The following CSMD1 variants were observed in gnomAD, a reference collection of about 807,000 sequenced individuals.
The protein encoded by CSMD1 is CUB and Sushi multiple domains 1, also known as CUB and sushi domain-containing protein 1.
Under a neutral mutation model 417.5 loss-of-function variants are expected in CSMD1, and 213 were observed. The ratio of observed to expected loss-of-function variants is 0.51; its 90% CI spans 0.46 to 0.57. The LOEUF is 0.57. Ranked by LOEUF, CSMD1 falls within the 20% of genes least tolerant of loss-of-function variation. The probability of loss-of-function intolerance (pLI) is 0.00; values close to 1 mark genes in which losing one functional copy is unlikely to be tolerated. For missense variants in CSMD1, 6,923 were observed against 4,529.7 expected, an observed-to-expected ratio of 1.53 and a Z score of -15.17; for synonymous variants, 2,862 against 1,736.8, an observed-to-expected ratio of 1.65 and a Z score of -16.11.
intron 7 of CSMD1, among the ~76,000 whole-genome samples, chr8:3,694,014 G>A (rs907638144): frequency 7.9e-6 from 1 of 125,934 alleles, no homozygotes; most frequent in Non-Finnish European, 1.6e-5. Flanking sequence ...GTGTGTTGGG[G>A]TATTATGTGT....
At chr8:4,759,872 T>C (rs1340037586) in intron 1 of CSMD1, among the ~76,000 whole-genome samples, 3 of 152,246 alleles carry the variant, frequency 2.0e-5, no homozygotes, top group African/African-American at 4.8e-5. Context: ...GCAATGAATA[T>C]AGGCATGCAT....
At chr8:3,844,396 A>C (rs1803349550) in intron 5 of CSMD1, among the ~76,000 whole-genome samples, 1 of 152,202 alleles carries the variant, frequency 6.6e-6, no homozygotes, top group Non-Finnish European at 1.5e-5. Context: ...ACTCACCAAC[A>C]AATTATTGAC....
At chr8:4,108,573 C>T (rs769998047) in intron 3 of CSMD1, among the ~76,000 whole-genome samples, 2 of 152,094 alleles carry the variant, frequency 1.3e-5, no homozygotes, top group Non-Finnish European at 2.9e-5. Context: ...ACTGATATGC[C>T]ATCCCTTTAG....
chr8:3,060,675 C>G (rs1264166076), intron 49 of CSMD1, among the ~76,000 whole-genome samples: 3 of 152,164 alleles, frequency 2.0e-5, no homozygotes, highest in African/African-American at 7.2e-5. Flanking sequence ...TATTTCAAAT[C>G]TGATACAGGT....
chr8:3,407,074 G>T (rs1464360454), intron 14 of CSMD1, among the ~76,000 whole-genome samples: 1 of 152,106 alleles, frequency 6.6e-6, no homozygotes, highest in Non-Finnish European at 1.5e-5. Context: ...TGAATGGAGG[G>T]ATGGAAAGAA....
intron 3 of CSMD1, among the ~76,000 whole-genome samples, chr8:4,281,538 TC>T (rs1796785315): frequency 1.3e-5 from 2 of 152,224 alleles, no homozygotes; most frequent in African/African-American, 4.8e-5. Flanking sequence ...ACATTAAAGG[TC>T]CTTTAAAATG....
rs1554472484 is a variant in CSMD1 at position 2,960,961 on chromosome 8, T to TATAC, written c.9702+179_9702+180insGTAT. Among the ~76,000 whole-genome samples the TATAC allele has an allele frequency of 4.6e-5, 6 of 130,866 alleles. No homozygotes were observed. In the East Asian group the frequency reaches 8.4e-4, roughly 18 times the overall value. 85.9% of individuals were successfully genotyped at this position (130,866 alleles called of 152,430 possible). A position where few individuals can be genotyped will look rare whatever the true frequency, so the allele number is the denominator to read the frequency against. On this transcript the variant is annotated intron_variant, in intron 62 of 69. Coordinates refer to ENST00000635120, the MANE Select transcript of CSMD1 (RefSeq NM_033225.6). The stretch of plus-strand genomic sequence containing the variant: ...CAAGATATATATATATATATATATA[T>TATAC]ATATACATATATTGATTTTGACAGT...
chr8:4,696,218 T>C (rs1478606000), intron 1 of CSMD1, among the ~76,000 whole-genome samples: 1 of 152,222 alleles, frequency 6.6e-6, no homozygotes, highest in Non-Finnish European at 1.5e-5. Context: ...ATTTTCAGTC[T>C]ATGGACATGA....
intron 25 of CSMD1, among the ~76,000 whole-genome samples, chr8:3,295,125 ATTTAT>A (rs35124312): frequency 0.5 from 74,107 of 148,686 alleles, 20,495 homozygotes; most frequent in South Asian, 0.63. Flanking sequence ...TATTTTATTT[ATTTAT>A]TTTATTTTAT....
intron 1 of CSMD1, among the ~76,000 whole-genome samples, chr8:4,979,698 T>C (rs1478559738): frequency 2.6e-5 from 4 of 152,348 alleles, no homozygotes; most frequent in African/African-American, 4.8e-5. Context: ...GAATTAAATA[T>C]TCTGTAGTGA....
intron 3 of CSMD1, among the ~76,000 whole-genome samples, chr8:4,287,513 C>T (rs912175162): frequency 6.6e-6 from 1 of 152,020 alleles, no homozygotes; most frequent in South Asian, 2.1e-4. Flanking sequence ...ATATTTACAC[C>T]ACACATGTTG....
intron 3 of CSMD1, among the ~76,000 whole-genome samples, chr8:4,042,698 T>G (rs770010151): frequency 3.6e-4 from 54 of 151,310 alleles, no homozygotes; most frequent in South Asian, 8.4e-4. Context: ...ATATTTTAGG[T>G]TTCTAACATA....
At chr8:4,489,908 A>G (rs1010841664) in intron 2 of CSMD1, among the ~76,000 whole-genome samples, 1 of 152,188 alleles carries the variant, frequency 6.6e-6, no homozygotes, top group Admixed American at 6.5e-5. Flanking sequence ...CCGTGAGATC[A>G]TTCATTCATG....
chr8:4,485,512 C>T (rs1191704625), intron 2 of CSMD1, among the ~76,000 whole-genome samples: 1 of 152,134 alleles, frequency 6.6e-6, no homozygotes, highest in Non-Finnish European at 1.5e-5. Flanking sequence ...CCTGATCTTA[C>T]CATCAATAGT....
At chr8:4,528,340 TG>T (rs1796625762) in intron 2 of CSMD1, among the ~76,000 whole-genome samples, 1 of 152,096 alleles carries the variant, frequency 6.6e-6, no homozygotes, top group African/African-American at 2.4e-5. Context: ...ATAAAGAAGG[TG>T]GGATCCAGGA....
At chr8:3,595,126 CTCAGATGGGAACTTGGACAAT>C (rs1801030763) in intron 8 of CSMD1, among the ~76,000 whole-genome samples, 1 of 152,178 alleles carries the variant, frequency 6.6e-6, no homozygotes, top group Admixed American at 6.5e-5. Flanking sequence ...TTTTACACTA[CTCAGATGGGAACTTGGACAAT>C]TCACCGGATG....
chr8:3,477,988 T>C (rs10104746), intron 11 of CSMD1, among the ~76,000 whole-genome samples: 1 of 152,042 alleles, frequency 6.6e-6, no homozygotes, highest in Admixed American at 6.5e-5. Flanking sequence ...AATCATATTA[T>C]TAAATACAAT....
At chr8:4,563,205 T>A (rs550987593) in intron 2 of CSMD1, among the ~76,000 whole-genome samples, 2 of 151,916 alleles carry the variant, frequency 1.3e-5, no homozygotes, top group Admixed American at 6.6e-5. Flanking sequence ...ATTGAGACCA[T>A]CCTGGCTAAC....
intron 11 of CSMD1, among the ~76,000 whole-genome samples, chr8:3,492,241 G>A (rs897099092): frequency 7.9e-5 from 12 of 152,106 alleles, no homozygotes; most frequent in African/African-American, 2.4e-4. Flanking sequence ...GCAACCAGTG[G>A]CATGCCGCTG....
Sources: allele counts gnomAD v4.1 joint callset (sites outside exome capture counted in the v4.1 genomes callset), GRCh38; gene constraint gnomAD v4.1.1; transcripts MANE v1.5; gene names NCBI Gene and HGNC (gene_info 2026-07-23, HGNC 2026-07-21).